The following SLC35G2 variants were observed in gnomAD, a reference collection of about 807,000 sequenced individuals.
SLC35G2 encodes solute carrier family 35 member G2, also known as transmembrane protein 22.
Under a neutral mutation model 27.2 loss-of-function variants are expected in SLC35G2, and 20 were observed. The observed-to-expected ratio is 0.74, with a 90% confidence interval of 0.52 to 1.07. SLC35G2 has a LOEUF of 1.07. Ranked by LOEUF, SLC35G2 falls within the 50% of genes least tolerant of loss-of-function variation. The pLI is 0.00. For synonymous variants in SLC35G2, 148 were observed against 165.3 expected (o/e 0.90, Z 0.80); for missense variants, 416 against 493.3 (o/e 0.84, Z 1.48).
chr3:136,849,036 G>A (rs1429554734), intron 1 of SLC35G2, among the ~76,000 whole-genome samples: 5 of 151,928 alleles, frequency 3.3e-5, no homozygotes, highest in Non-Finnish European at 5.9e-5. Context: ...AAAATTAGCC[G>A]GGCGTGGTGG....
At chr3:136,849,834 G>A (rs1937567560) in intron 1 of SLC35G2, among the ~76,000 whole-genome samples, 2 of 151,902 alleles carry the variant, frequency 1.3e-5, no homozygotes, top group Admixed American at 1.3e-4. Context: ...GCTGGGCGTG[G>A]TGGCTCATGC....
chr3:136,830,104 C>CTTTTTTTTTTT (rs71134418), intron 1 of SLC35G2, among the ~76,000 whole-genome samples: 2 of 88,814 alleles, frequency 2.3e-5, no homozygotes, highest in Non-Finnish European at 4.2e-5. Context: ...TACATTATTT[C>CTTTTTTTTTTT]TTTTTTTTTT....
chr3:136,854,471 C>T lies in SLC35G2; in HGVS notation c.11C>T (p.Ser4Phe), dbSNP rs752131701. MDT[S>F]PSRKYPVKKR... ...TGATTATCTGAAGAAATGGATACTT[C>T]TCCCTCCAGAAAATATCCAGTTAAA... The change falls in exon 2 of 2, where the codon TCT (serine) becomes TTT (phenylalanine). Residue 4 changes from serine to phenylalanine, a missense_variant. Coordinates refer to ENST00000446465, the MANE Select transcript of SLC35G2 (RefSeq NM_025246.3). The T allele has an allele frequency of 1.3e-6, 2 of 1,574,598 alleles. No homozygotes were observed. The highest frequency in any genetic ancestry group is 2.3e-5 in the South Asian group (2 of 85,238).
chr3:136,832,755 G>T (rs560397736), intron 1 of SLC35G2, among the ~76,000 whole-genome samples: 2 of 152,190 alleles, frequency 1.3e-5, no homozygotes, highest in African/African-American at 2.4e-5. Context: ...TATAGAAACT[G>T]AGGAGAGTGG....
chr3:136,837,570 G>T (rs531332563), intron 1 of SLC35G2: 16 of 151,956 alleles, frequency 1.1e-4, no homozygotes, highest in Middle Eastern at 3.4e-3. Flanking sequence ...ATGACATGAG[G>T]GTTTTCTTAT....
chr3:136,821,697 G>A (rs1215865612), intron 1 of SLC35G2, among the ~76,000 whole-genome samples: 1 of 152,184 alleles, frequency 6.6e-6, no homozygotes, highest in East Asian at 1.9e-4. Flanking sequence ...TTCCCAAAGT[G>A]CCAGGATTAC....
intron 1 of SLC35G2, among the ~76,000 whole-genome samples, chr3:136,832,587 T>C (rs982692908): frequency 6.6e-6 from 1 of 152,248 alleles, no homozygotes; most frequent in Non-Finnish European, 1.5e-5. Flanking sequence ...TTCTTGGTCT[T>C]GTCTCTCATA....
chr3:136,821,804 T>G (rs1936463389), intron 1 of SLC35G2, among the ~76,000 whole-genome samples: 2 of 152,244 alleles, frequency 1.3e-5, no homozygotes, highest in Admixed American at 1.3e-4. Flanking sequence ...TGCAATGCTG[T>G]ATAGCAGATC....
At chr3:136,837,843 C>CT (rs11425379) in intron 1 of SLC35G2, 98,808 of 145,500 alleles carry the variant, frequency 0.68, 33,414 homozygotes, top group East Asian at 0.86. Context: ...ACAATTAACT[C>CT]TTTTTTTTTT....
chr3:136,841,909 T>A (rs1937116582), intron 1 of SLC35G2: 1 of 152,184 alleles, frequency 6.6e-6, no homozygotes, highest in African/African-American at 2.4e-5. Context: ...TCTAAAATTA[T>A]ATCCTTTTTA....
intron 1 of SLC35G2, chr3:136,838,412 T>G (rs1198897955): frequency 6.6e-6 from 1 of 152,128 alleles, no homozygotes; most frequent in Non-Finnish European, 1.5e-5. Flanking sequence ...ATTCAAAATT[T>G]GACATATGGT....
chr3:136,835,914 C>A (rs1936853757), intron 1 of SLC35G2, among the ~76,000 whole-genome samples: 1 of 152,108 alleles, frequency 6.6e-6, no homozygotes, highest in South Asian at 2.1e-4. Flanking sequence ...TCTGAGAGTA[C>A]TTTTTTGGGG....
chr3:136,852,968 T>G (rs963308766), intron 1 of SLC35G2, among the ~76,000 whole-genome samples: 5 of 152,232 alleles, frequency 3.3e-5, no homozygotes, highest in African/African-American at 1.2e-4. Flanking sequence ...CCAAATTTAT[T>G]GCTAACATTT....
chr3:136,820,704 G>C (rs188486850), intron 1 of SLC35G2, among the ~76,000 whole-genome samples: 5 of 152,220 alleles, frequency 3.3e-5, no homozygotes, highest in African/African-American at 1.2e-4. Flanking sequence ...ATTTTTTAGA[G>C]CTTTTGTAAT....
rs760671370 is a variant in SLC35G2 at position 136,855,689 on chromosome 3, C to T, written c.1229C>T (p.Pro410Leu). The T allele has an allele frequency of 4.1e-5, 65 of 1,593,280 alleles. No individual in the cohort carries two copies. The highest frequency in any genetic ancestry group is 5.0e-5 in the Non-Finnish European group (58 of 1,161,586). Residue 410 changes from proline to leucine, a missense_variant, in exon 2 of 2, where the codon CCC becomes CTC. Physicochemically the swap from Pro to Leu is moderately conservative, Grantham distance 98 (BLOSUM62 -3). Transcript: ENST00000446465. ...KQDYQEILDS[P>L]IK The stretch of plus-strand genomic sequence containing the variant: ...GACTACCAGGAAATACTAGACTCTC[C>T]CATTAAATGAATACCTGATTATTAT...
chr3:136,837,419 G>T (rs1936904693), intron 1 of SLC35G2: 1 of 151,930 alleles, frequency 6.6e-6, no homozygotes, highest in Non-Finnish European at 1.5e-5. Context: ...ATTTTTTTCT[G>T]ATTTCAAAGG....
rs749147668 is a variant in SLC35G2, at chr3:136,855,714, T to C, written c.*15T>C. 14 of 1,547,790 alleles carry C rather than the reference T, an allele frequency of 9.0e-6. No individual in the cohort carries two copies. Among genetic ancestry groups the C allele is most frequent in the Admixed American group, 7.2e-5 (4 of 55,702 alleles). ...CCATTAAATGAATACCTGATTATTATTGTCTCATTAATGTTCAGTTATTAT... is the reference window on the plus strand; with the variant it reads ...CCATTAAATGAATACCTGATTATTACTGTCTCATTAATGTTCAGTTATTAT... On this transcript the variant is annotated 3_prime_UTR_variant, in exon 2 of 2. Coordinates refer to ENST00000446465, the MANE Select transcript of SLC35G2 (RefSeq NM_025246.3).
At chr3:136,838,988 T>C (rs1341778573) in intron 1 of SLC35G2, 1 of 152,234 alleles carries the variant, frequency 6.6e-6, no homozygotes, top group Non-Finnish European at 1.5e-5. Context: ...TAAAAAATCA[T>C]GGAAATAGAA....
chr3:136,849,389 T>C (rs961113469), intron 1 of SLC35G2, among the ~76,000 whole-genome samples: 6 of 152,012 alleles, frequency 3.9e-5, no homozygotes, highest in African/African-American at 1.2e-4. Flanking sequence ...TTTATACATG[T>C]AGAAACTAAA....
Sources: allele counts gnomAD v4.1 joint callset (sites outside exome capture counted in the v4.1 genomes callset), GRCh38; gene constraint gnomAD v4.1.1; transcripts MANE v1.5; gene names NCBI Gene and HGNC (gene_info 2026-07-23, HGNC 2026-07-21).